Variants in RAP1GDS1 observed in about 807,000 individuals in gnomAD.
RAP1GDS1 encodes the protein RAP1, GTP-GDP dissociation stimulator 1.
RAP1GDS1 carries 35 observed loss-of-function variants against 71.1 expected under a neutral mutation model. That is an observed-to-expected ratio of 0.49 (90% CI 0.38 to 0.65). The LOEUF (loss-of-function observed/expected upper bound fraction) is 0.65. Ranked by LOEUF, RAP1GDS1 falls within the 30% of genes least tolerant of loss-of-function variation. The probability of loss-of-function intolerance (pLI) is 0.00; values close to 1 mark genes in which losing one functional copy is unlikely to be tolerated. For missense variants in RAP1GDS1, 663 were observed against 706.1 expected (o/e 0.94, Z 0.69); for synonymous variants, 229 against 243.1 (o/e 0.94, Z 0.54).
chr4:98,292,149 T>C (rs1727050455), intron 1 of RAP1GDS1, among the ~76,000 whole-genome samples: 1 of 149,516 alleles, frequency 6.7e-6, no homozygotes, highest in Non-Finnish European at 1.5e-5. Flanking sequence ...TTTTAAGAGA[T>C]AGGGTCTTGC....
intron 1 of RAP1GDS1, among the ~76,000 whole-genome samples, chr4:98,271,721 A>G (rs1723490122): frequency 1.3e-5 from 2 of 152,182 alleles, no homozygotes; most frequent in Admixed American, 1.3e-4. Flanking sequence ...TATACCATTG[A>G]GTTCATAATT....
chr4:98,306,585 C>T (rs1322887596), intron 2 of RAP1GDS1, among the ~76,000 whole-genome samples: 1 of 152,128 alleles, frequency 6.6e-6, no homozygotes. Context: ...TGTAAATTGG[C>T]ATTTTAATTG....
rs551499005 is a variant in RAP1GDS1, at chr4:98,320,612, C to T, written c.113-22527C>T. On this transcript the variant is annotated intron_variant, in intron 2 of 14. Coordinates refer to ENST00000408927, the MANE Select transcript of RAP1GDS1 (RefSeq NM_001100427.2). Reference sequence around the variant, plus strand: ...CTGCCTCCTCAAGTGGGTCCCTGACCCCTGACCCCCGAGCAGCCTAACTGG... The same window carrying T: ...CTGCCTCCTCAAGTGGGTCCCTGACTCCTGACCCCCGAGCAGCCTAACTGG... 2.0e-5 allele frequency among the ~76,000 whole-genome samples: 3 copies of T among 151,474 alleles called. No homozygotes were observed. The South Asian group carries it at 6.3e-4, about 32-fold the overall frequency.
At position 98,327,415 on chromosome 4, in the gene RAP1GDS1, C is replaced by T. The variant is rs567058669; in HGVS notation, c.113-15724C>T. Among the ~76,000 whole-genome samples the T allele has an allele frequency of 7.9e-5, 12 of 152,278 alleles. 1 individual carries two copies. In the South Asian group the frequency reaches 2.1e-3, roughly 26 times the overall value. On this transcript the variant is annotated intron_variant, in intron 2 of 14. Coordinates refer to ENST00000408927, the MANE Select transcript of RAP1GDS1 (RefSeq NM_001100427.2). ...TGAGGTTGGACAGACAGTTGCTGGG[C>T]AGATGTCTTTCCAGAAGTATTTTTT...
At chr4:98,361,185 C>A (rs1036394060) in intron 4 of RAP1GDS1, among the ~76,000 whole-genome samples, 1 of 151,068 alleles carries the variant, frequency 6.6e-6, no homozygotes, top group African/African-American at 2.4e-5. Flanking sequence ...TTCTAAATAA[C>A]TATATATGCA....
chr4:98,327,947 AACAGAT>A (rs1408522104), intron 2 of RAP1GDS1, among the ~76,000 whole-genome samples: 7 of 152,224 alleles, frequency 4.6e-5, no homozygotes, highest in African/African-American at 1.2e-4. Context: ...TTTAACAAGT[AACAGAT>A]ACAAAGTTTA....
chr4:98,326,633 A>C (rs1733136662), intron 2 of RAP1GDS1, among the ~76,000 whole-genome samples: 1 of 152,022 alleles, frequency 6.6e-6, no homozygotes, highest in African/African-American at 2.4e-5. Flanking sequence ...ATTAATGCTT[A>C]AATTCTTTCC....
At chr4:98,318,928 G>A (rs1199922374) in intron 2 of RAP1GDS1, among the ~76,000 whole-genome samples, 1 of 151,964 alleles carries the variant, frequency 6.6e-6, no homozygotes, top group South Asian at 2.1e-4. Context: ...TTCCAAAACC[G>A]TGGAAATGAA....
At chr4:98,390,671 T>C (rs1277538319) in intron 5 of RAP1GDS1, among the ~76,000 whole-genome samples, 4 of 152,142 alleles carry the variant, frequency 2.6e-5, no homozygotes, top group African/African-American at 9.6e-5. Context: ...GCATGTGAGA[T>C]AGCTCAACTC....
intron 4 of RAP1GDS1, among the ~76,000 whole-genome samples, chr4:98,365,276 C>G (rs574589391): frequency 6.6e-6 from 1 of 152,086 alleles, no homozygotes; most frequent in African/African-American, 2.4e-5. Context: ...AGACAAGTAT[C>G]TATTGCTTTG....
At chr4:98,365,625 AAAAAT>A (rs1739376028) in intron 4 of RAP1GDS1, among the ~76,000 whole-genome samples, 1 of 152,190 alleles carries the variant, frequency 6.6e-6, no homozygotes, top group Non-Finnish European at 1.5e-5. Context: ...CCTGTCTCAA[AAAAAT>A]AAAATAATAC....
At chr4:98,360,389 A>G (rs1370099518) in intron 4 of RAP1GDS1, among the ~76,000 whole-genome samples, 3 of 150,724 alleles carry the variant, frequency 2.0e-5, no homozygotes, top group Admixed American at 2.0e-4. Flanking sequence ...AGAAGTCTGA[A>G]TGGCTTTAGA....
intron 9 of RAP1GDS1, among the ~76,000 whole-genome samples, chr4:98,417,800 G>A (rs1028726299): frequency 1.8e-4 from 27 of 152,124 alleles, no homozygotes; most frequent in Admixed American, 4.6e-4. Context: ...CTTTTGCCTA[G>A]TGATTTTATT....
intron 2 of RAP1GDS1, among the ~76,000 whole-genome samples, chr4:98,303,438 G>A (rs1435061456): frequency 1.3e-5 from 2 of 151,510 alleles, no homozygotes; most frequent in South Asian, 2.1e-4. Context: ...TAGAAATATT[G>A]ATTATATATT....
chr4:98,394,452 T>C (rs1270414562), intron 6 of RAP1GDS1, among the ~76,000 whole-genome samples: 1 of 152,102 alleles, frequency 6.6e-6, no homozygotes, highest in Non-Finnish European at 1.5e-5. Flanking sequence ...TTTTTAAACT[T>C]TAAGAAACTT....
At chr4:98,299,864 C>T (rs576615473) in intron 2 of RAP1GDS1, among the ~76,000 whole-genome samples, 5 of 152,120 alleles carry the variant, frequency 3.3e-5, no homozygotes, top group Non-Finnish European at 5.9e-5. Context: ...TGTGATCCAC[C>T]TGCCCCTGCC....
intron 14 of RAP1GDS1, among the ~76,000 whole-genome samples, chr4:98,439,146 A>C (rs1751567245): frequency 6.6e-6 from 1 of 152,126 alleles, no homozygotes; most frequent in Admixed American, 6.5e-5. Flanking sequence ...AATTTTTTTC[A>C]TTCATAATGA....
intron 1 of RAP1GDS1, among the ~76,000 whole-genome samples, chr4:98,283,326 A>G (rs1725460934): frequency 6.6e-6 from 1 of 152,182 alleles, no homozygotes. Context: ...GCAGAAATGC[A>G]TTTCTGGGGA....
intron 2 of RAP1GDS1, among the ~76,000 whole-genome samples, chr4:98,300,635 A>G (rs1341063362): frequency 1.3e-5 from 2 of 152,154 alleles, no homozygotes; most frequent in Admixed American, 6.6e-5. Flanking sequence ...TCCTGACCTC[A>G]GGTGATCCAC....
Sources: allele counts gnomAD v4.1 joint callset (sites outside exome capture counted in the v4.1 genomes callset), GRCh38; gene constraint gnomAD v4.1.1; transcripts MANE v1.5; gene names NCBI Gene and HGNC (gene_info 2026-07-23, HGNC 2026-07-21).